HMGCLL1: variants seen among roughly 807,000 people sequenced by gnomAD.
The protein encoded by HMGCLL1 is 3-hydroxy-3-methylglutaryl-CoA lyase like 1.
A neutral mutation model predicts 39.1 loss-of-function variants in HMGCLL1; 36 were observed. The observed-to-expected ratio is 0.92, with a 90% CI of 0.71 to 1.22. The LOEUF is 1.22. Ranked by LOEUF, HMGCLL1 falls within the 50% of genes most tolerant of loss-of-function variation. HMGCLL1 has a pLI of 0.00. For synonymous variants in HMGCLL1, 149 were observed against 144.0 expected, an observed-to-expected ratio of 1.03 and a Z score of -0.25; for missense variants, 451 against 416.5, an observed-to-expected ratio of 1.08 and a Z score of -0.72.
intron 3 of HMGCLL1, among the ~76,000 whole-genome samples, chr6:55,518,674 G>A (rs1401710000): frequency 1.3e-5 from 2 of 152,214 alleles, no homozygotes; most frequent in East Asian, 3.9e-4. Flanking sequence ...TACGCAAAGA[G>A]GCCACATAAG....
At chr6:55,471,210 C>T (rs900891537) in intron 7 of HMGCLL1, among the ~76,000 whole-genome samples, 3 of 151,682 alleles carry the variant, frequency 2.0e-5, no homozygotes, top group Admixed American at 1.3e-4. Context: ...CTTTATCCAC[C>T]CATTACTGGG....
the HMGCLL1 span, among the ~76,000 whole-genome samples, chr6:55,585,839 T>A: frequency 6.6e-6 from 1 of 152,078 alleles, no homozygotes; most frequent in Non-Finnish European, 1.5e-5. Flanking sequence ...AATATATATT[T>A]AAGATTAAGA....
chr6:55,609,390 C>T, the HMGCLL1 span, among the ~76,000 whole-genome samples: 5 of 152,262 alleles, frequency 3.3e-5, no homozygotes, highest in East Asian at 9.7e-4. Flanking sequence ...TATTCTCCCA[C>T]AGCACAGCAC....
the HMGCLL1 span, among the ~76,000 whole-genome samples, chr6:55,637,750 G>T: frequency 1.4e-5 from 2 of 139,868 alleles, no homozygotes; most frequent in Non-Finnish European, 3.2e-5. Context: ...ATGTGTCTGT[G>T]TGTGTCTGTG....
chr6:55,482,686 A>C (rs540444364), intron 7 of HMGCLL1, among the ~76,000 whole-genome samples: 224 of 152,214 alleles, frequency 1.5e-3, no homozygotes, highest in African/African-American at 4.9e-3. Context: ...TTTACTAAGA[A>C]ATGTGAGCTT....
the HMGCLL1 span, among the ~76,000 whole-genome samples, chr6:55,598,446 G>A: frequency 2.6e-5 from 4 of 152,136 alleles, no homozygotes; most frequent in Non-Finnish European, 5.9e-5. Context: ...AGACTGCGTT[G>A]TACTCCAATG....
At chr6:55,551,885 G>C (rs536852694) in intron 1 of HMGCLL1, among the ~76,000 whole-genome samples, 1 of 152,058 alleles carries the variant, frequency 6.6e-6, no homozygotes, top group African/African-American at 2.4e-5. Context: ...CAATTTGCTT[G>C]GGACAGACAA....
At chr6:55,644,179 T>G in the HMGCLL1 span, among the ~76,000 whole-genome samples, 1 of 152,122 alleles carries the variant, frequency 6.6e-6, no homozygotes, top group Non-Finnish European at 1.5e-5. Flanking sequence ...CTTTTTCATA[T>G]GTCTCTTTGC....
intron 1 of HMGCLL1, among the ~76,000 whole-genome samples, chr6:55,547,838 TTC>T (rs1381547471): frequency 6.6e-6 from 1 of 152,062 alleles, no homozygotes; most frequent in Non-Finnish European, 1.5e-5. Flanking sequence ...AGATATTAAT[TTC>T]TGTTTTAATC....
At chr6:55,623,172 A>G in the HMGCLL1 span, among the ~76,000 whole-genome samples, 1 of 151,572 alleles carries the variant, frequency 6.6e-6, no homozygotes, top group Admixed American at 6.6e-5. Context: ...AAAATTTGTC[A>G]GTTTTCTTTA....
At chr6:55,557,298 A>T (rs916671874) in intron 1 of HMGCLL1, among the ~76,000 whole-genome samples, 1 of 152,124 alleles carries the variant, frequency 6.6e-6, no homozygotes, top group African/African-American at 2.4e-5. Context: ...ACACTAACTT[A>T]TTTTGCTTTC....
At chr6:55,658,574 T>C in the HMGCLL1 span, among the ~76,000 whole-genome samples, 5 of 151,868 alleles carry the variant, frequency 3.3e-5, no homozygotes, top group Admixed American at 3.3e-4. Flanking sequence ...CTAAAGAAGG[T>C]TAATGAATAT....
chr6:55,617,402 C>T, the HMGCLL1 span, among the ~76,000 whole-genome samples: 1 of 152,042 alleles, frequency 6.6e-6, no homozygotes, highest in Non-Finnish European at 1.5e-5. Flanking sequence ...AGGAGTTAGA[C>T]TGTGAAGAGG....
intron 7 of HMGCLL1, among the ~76,000 whole-genome samples, chr6:55,470,182 A>G (rs1219852589): frequency 6.6e-6 from 1 of 151,932 alleles, no homozygotes; most frequent in African/African-American, 2.4e-5. Context: ...AAACCCAGAA[A>G]TATTTCTTAC....
the HMGCLL1 span, among the ~76,000 whole-genome samples, chr6:55,656,282 G>T: frequency 6.6e-6 from 1 of 151,798 alleles, no homozygotes; most frequent in Non-Finnish European, 1.5e-5. Flanking sequence ...GTTTCTCCAG[G>T]TCTGAATTTA....
chr6:55,517,581 A>G (rs926079719), intron 3 of HMGCLL1, among the ~76,000 whole-genome samples: 1 of 152,034 alleles, frequency 6.6e-6, no homozygotes, highest in Non-Finnish European at 1.5e-5. Context: ...TGCTATCATC[A>G]GAATGCATTA....
At chr6:55,673,367 A>G in the HMGCLL1 span, among the ~76,000 whole-genome samples, 1 of 151,976 alleles carries the variant, frequency 6.6e-6, no homozygotes, top group Non-Finnish European at 1.5e-5. Flanking sequence ...TATGTATTTT[A>G]TATGGTGATC....
chr6:55,541,498 TC>T (rs762894448), intron 3 of HMGCLL1, among the ~76,000 whole-genome samples: 7 of 152,162 alleles, frequency 4.6e-5, no homozygotes, highest in Non-Finnish European at 1.0e-4. Flanking sequence ...AACGGCCTTG[TC>T]CCCTATTCAT....
chr6:55,597,524 AAAG>A, the HMGCLL1 span, among the ~76,000 whole-genome samples: 1 of 151,964 alleles, frequency 6.6e-6, no homozygotes, highest in Non-Finnish European at 1.5e-5. Flanking sequence ...TTAAAAAAAA[AAAG>A]AAGGAAAAAA....
Sources: allele counts gnomAD v4.1 joint callset (sites outside exome capture counted in the v4.1 genomes callset), GRCh38; gene constraint gnomAD v4.1.1; transcripts MANE v1.5; gene names NCBI Gene and HGNC (gene_info 2026-07-23, HGNC 2026-07-21).